CNTNAP2: variants seen among roughly 807,000 people sequenced by gnomAD.
CNTNAP2 encodes contactin-associated protein-like 2.
In CNTNAP2, 98 loss-of-function variants were observed where a neutral mutation model predicts 155.2. The ratio of observed to expected loss-of-function variants is 0.63; its 90% CI spans 0.54 to 0.75. The LOEUF (loss-of-function observed/expected upper bound fraction) is 0.75, where lower values mean the gene tolerates loss of function less well. Ranked by LOEUF, CNTNAP2 falls within the 30% of genes least tolerant of loss-of-function variation. The pLI is 0.00. For missense variants in CNTNAP2, 1,727 were observed against 1,688.1 expected, an observed-to-expected ratio of 1.02 and a Z score of -0.40; for synonymous variants, 651 against 631.2, an observed-to-expected ratio of 1.03 and a Z score of -0.47.
chr7:147,462,487 A>G (rs940106262), intron 10 of CNTNAP2, among the ~76,000 whole-genome samples: 2 of 152,208 alleles, frequency 1.3e-5, no homozygotes, highest in African/African-American at 2.4e-5. Flanking sequence ...TTACTTATAC[A>G]GTCAATTTCA....
intron 8 of CNTNAP2, among the ~76,000 whole-genome samples, chr7:147,135,796 G>T (rs1584748085): frequency 6.9e-6 from 1 of 143,950 alleles, no homozygotes. Flanking sequence ...AAAAAAAAAA[G>T]CCATAACCCA....
intron 1 of CNTNAP2, among the ~76,000 whole-genome samples, chr7:146,745,308 A>T (rs988926381): frequency 6.6e-6 from 1 of 152,158 alleles, no homozygotes; most frequent in African/African-American, 2.4e-5. Flanking sequence ...TTATTATCTC[A>T]TTTGATCCTC....
intron 1 of CNTNAP2, among the ~76,000 whole-genome samples, chr7:146,581,081 T>C (rs1266019997): frequency 6.6e-6 from 1 of 152,120 alleles, no homozygotes; most frequent in Non-Finnish European, 1.5e-5. Flanking sequence ...TTTAAACCTT[T>C]CAAGGAAAGG....
chr7:147,554,198 T>C (rs1584809332), intron 11 of CNTNAP2, among the ~76,000 whole-genome samples: 2 of 152,136 alleles, frequency 1.3e-5, no homozygotes, highest in East Asian at 3.9e-4. Context: ...CTGAATAAAA[T>C]ACAAGTAGAG....
intron 13 of CNTNAP2, among the ~76,000 whole-genome samples, chr7:147,667,581 A>C (rs1045493295): frequency 1.1e-4 from 16 of 152,172 alleles, no homozygotes; most frequent in Non-Finnish European, 2.1e-4. Flanking sequence ...CAGCAAAATG[A>C]GAAGTACTAT....
Position 146,210,882 on chromosome 7 carries a change from A to G in CNTNAP2, c.97+93909A>G, listed in dbSNP as rs546226050. ...CACATGTGTCTAACCCTGGACGGTC[A>G]TCTCATTTCCACACACTTTTGTTTT... On this transcript the variant is annotated intron_variant, in intron 1 of 23. Transcript: ENST00000361727. Among the ~76,000 whole-genome samples the G allele has an allele frequency of 3.0e-4, 46 of 151,534 alleles. No homozygotes were observed. The Middle Eastern group carries it at 0.014, about 45-fold the overall frequency.
chr7:148,300,424 A>G lies in CNTNAP2; in HGVS notation c.3475+33298A>G, dbSNP rs566043843. Among the ~76,000 whole-genome samples, 3 of 152,356 alleles carry G rather than the reference A, an allele frequency of 2.0e-5. No individual in the cohort carries two copies. The East Asian group carries it at 5.8e-4, about 29-fold the overall frequency. On this transcript the variant is annotated intron_variant, in intron 21 of 23. Transcript: ENST00000361727. ...TTGATTGCATTTGGAGAGCATCAGC[A>G]TATGAACTATATTACAGAAAGGATA...
At chr7:146,984,522 T>C (rs2129237519) in intron 3 of CNTNAP2, among the ~76,000 whole-genome samples, 1 of 152,156 alleles carries the variant, frequency 6.6e-6, no homozygotes. Context: ...GTGTGAAGAA[T>C]GGCTGCAGTT....
At chr7:148,028,716 A>C (rs1383918398) in intron 15 of CNTNAP2, among the ~76,000 whole-genome samples, 1 of 152,188 alleles carries the variant, frequency 6.6e-6, no homozygotes, top group East Asian at 1.9e-4. Flanking sequence ...CTTAGCCTTC[A>C]CTTCACAACC....
chr7:147,370,390 T>C lies in CNTNAP2; in HGVS notation c.1499-25219T>C, dbSNP rs920056263. On this transcript the variant is annotated intron_variant, in intron 9 of 23. Transcript: ENST00000361727. ...TCTCTGAGCACCCTTTGCACATCAG[T>C]CGTTTCTTGTCTATCACTTGCAGTG... Among the ~76,000 whole-genome samples, 4 of 152,152 alleles carry C rather than the reference T, an allele frequency of 2.6e-5. 1 individual carries two copies. Among genetic ancestry groups the C allele is most frequent in the Non-Finnish European group, 4.4e-5 (3 of 68,024 alleles).
intron 18 of CNTNAP2, among the ~76,000 whole-genome samples, chr7:148,195,270 G>C (rs1207678294): frequency 2.0e-5 from 3 of 152,168 alleles, no homozygotes; most frequent in Admixed American, 2.0e-4. Flanking sequence ...TAGGTGTTTG[G>C]TAAGTATTTG....
chr7:146,851,704 T>C (rs967453293), intron 3 of CNTNAP2, among the ~76,000 whole-genome samples: 2 of 143,494 alleles, frequency 1.4e-5, no homozygotes, highest in African/African-American at 5.1e-5. Context: ...GTGTGTGTTT[T>C]GATGGTATTG....
chr7:147,032,179 C>T (rs77878203), intron 3 of CNTNAP2, among the ~76,000 whole-genome samples: 8,629 of 152,164 alleles, frequency 0.057, 333 homozygotes, highest in Middle Eastern at 0.13. Context: ...CGTATTGCTC[C>T]CTGAACAGTC....
At chr7:147,652,723 AG>A (rs1345967627) in intron 13 of CNTNAP2, among the ~76,000 whole-genome samples, 1 of 152,204 alleles carries the variant, frequency 6.6e-6, no homozygotes, top group South Asian at 2.1e-4. Context: ...AAAGGAAGGA[AG>A]GGGGGAAGAA....
intron 1 of CNTNAP2, among the ~76,000 whole-genome samples, chr7:146,567,999 A>G (rs1033619202): frequency 1.3e-5 from 2 of 152,204 alleles, no homozygotes; most frequent in Admixed American, 1.3e-4. Flanking sequence ...GTAGAAAACT[A>G]TAATATTTTA....
intron 1 of CNTNAP2, among the ~76,000 whole-genome samples, chr7:146,244,581 G>C (rs899311165): frequency 6.6e-6 from 1 of 152,130 alleles, no homozygotes; most frequent in African/African-American, 2.4e-5. Flanking sequence ...GCTTGGTGAG[G>C]TGTGTTTTTA....
chr7:146,959,713 CAAAAA>C (rs1176908836), intron 3 of CNTNAP2, among the ~76,000 whole-genome samples: 1 of 90,396 alleles, frequency 1.1e-5, no homozygotes, highest in Non-Finnish European at 2.2e-5. Flanking sequence ...CAGCGAGTCT[CAAAAA>C]AAAAAAAAAA....
At chr7:148,057,112 G>A (rs1803029386) in intron 15 of CNTNAP2, among the ~76,000 whole-genome samples, 1 of 152,170 alleles carries the variant, frequency 6.6e-6, no homozygotes. Context: ...AGCCCTCGGT[G>A]CAGTCACTTC....
chr7:147,656,233 G>A (rs1330122771), intron 13 of CNTNAP2, among the ~76,000 whole-genome samples: 1 of 152,196 alleles, frequency 6.6e-6, no homozygotes, highest in Non-Finnish European at 1.5e-5. Context: ...CAATAAAGCT[G>A]TTTCACTTTT....
Sources: gnomAD v4.1 joint callset for allele counts (sites outside exome capture counted in the v4.1 genomes callset) on GRCh38, gnomAD v4.1.1 for gene constraint, MANE v1.5 for transcripts, NCBI Gene and HGNC (gene_info 2026-07-23, HGNC 2026-07-21) for gene names.